The following DHX35 variants were observed in gnomAD, a reference collection of about 807,000 sequenced individuals.
DHX35 encodes the protein probable ATP-dependent RNA helicase DHX35.
Under a neutral mutation model 99.6 loss-of-function variants are expected in DHX35, and 84 were observed. The ratio of observed to expected loss-of-function variants is 0.84; its 90% CI spans 0.71 to 1.01. The LOEUF (loss-of-function observed/expected upper bound fraction) is 1.01, where lower values mean the gene tolerates loss of function less well. Ranked by LOEUF, DHX35 falls within the 50% of genes least tolerant of loss-of-function variation. DHX35 has a pLI of 0.00. For missense variants in DHX35, 852 were observed against 888.5 expected, an observed-to-expected ratio of 0.96 and a Z score of 0.52; for synonymous variants, 331 against 316.2, an observed-to-expected ratio of 1.05 and a Z score of -0.50.
At position 39,038,485 on chromosome 20, in the gene DHX35, C is replaced by G; in HGVS notation, c.2068-14C>G. On this transcript the variant is annotated splice_polypyrimidine_tract_variant and intron_variant, in intron 21 of 21. Coordinates refer to ENST00000252011, the MANE Select transcript of DHX35 (RefSeq NM_021931.4). ...TAATCAACCCCAACTGTAGTGTCTT[C>G]TCTTCTGTTGCAGCACCTGTCTCTG... The G allele has an allele frequency of 1.9e-6, 3 of 1,613,676 alleles. No individual in the cohort carries two copies. Among genetic ancestry groups the G allele is most frequent in the Non-Finnish European group, 2.5e-6 (3 of 1,180,008 alleles).
At position 38,971,011 on chromosome 20, in the gene DHX35, C is replaced by T. The variant is rs535868466; in HGVS notation, c.175-1548C>T. 1.6e-3 allele frequency among the ~76,000 whole-genome samples: 239 copies of T among 152,266 alleles called. 1 individual carries two copies. Among genetic ancestry groups the T allele is most frequent in the African/African-American group, 5.5e-3 (228 of 41,550 alleles). ...CAAAAAGGAAAACAAGTTACCTCTA[C>T]GCCATCCTTTTTCCCTTTCAAACAA... On this transcript the variant is annotated intron_variant, in intron 2 of 21. Transcript: ENST00000252011.
chr20:39,021,035 C>T (rs950686077), intron 15 of DHX35, among the ~76,000 whole-genome samples: 2 of 152,088 alleles, frequency 1.3e-5, no homozygotes, highest in Non-Finnish European at 1.5e-5. Context: ...GGAGATGGGA[C>T]GAGCAGTGTA....
At chr20:39,015,395 T>C (rs2086769252) in intron 14 of DHX35, among the ~76,000 whole-genome samples, 1 of 152,216 alleles carries the variant, frequency 6.6e-6, no homozygotes, top group African/African-American at 2.4e-5. Flanking sequence ...ACGGGGGAAC[T>C]TCTATTCAGT....
At chr20:38,996,997 G>A (rs916297812) in intron 8 of DHX35, among the ~76,000 whole-genome samples, 1 of 151,774 alleles carries the variant, frequency 6.6e-6, no homozygotes, top group African/African-American at 2.4e-5. Context: ...AATTATTCCA[G>A]TTTTTATTAT....
At chr20:39,037,497 C>G (rs918246983) in intron 21 of DHX35, among the ~76,000 whole-genome samples, 1 of 152,124 alleles carries the variant, frequency 6.6e-6, no homozygotes, top group African/African-American at 2.4e-5. Flanking sequence ...TGGTGGTGCG[C>G]TGTGTCTTCG....
intron 3 of DHX35, among the ~76,000 whole-genome samples, chr20:38,975,524 G>A (rs573723224): frequency 1.3e-5 from 2 of 152,314 alleles, no homozygotes; most frequent in South Asian, 4.1e-4. Context: ...TGAGGACACT[G>A]TAGAGAGTAA....
Position 38,962,345 on chromosome 20 carries a change from G to C in DHX35, c.-23G>C. ...AGCGCGCGACGGTGGGGTGGAGCTA[G>C]CCTCGTGACCTTTTACCCCAACATG... On this transcript the variant is annotated 5_prime_UTR_variant, in exon 1 of 22. Transcript: ENST00000252011. The C allele has an allele frequency of 6.2e-7, 1 of 1,609,984 alleles. No homozygotes were observed. Among genetic ancestry groups the C allele is most frequent in the Non-Finnish European group, 8.5e-7 (1 of 1,178,238 alleles).
chr20:38,964,723 C>T (rs923215910), intron 1 of DHX35, among the ~76,000 whole-genome samples: 1 of 152,190 alleles, frequency 6.6e-6, no homozygotes, highest in East Asian at 1.9e-4. Context: ...GCCACTGGGC[C>T]TGGCCTGACT....
At chr20:39,028,336 G>C in intron 18 of DHX35, 82 bp from the exon 19 acceptor site, 1 of 1,378,844 alleles carries the variant, frequency 7.3e-7, no homozygotes, top group Non-Finnish European at 1.0e-6. Context: ...GGTGGTGCTG[G>C]GAGTGGATCC....
At chr20:38,977,948 C>G in intron 3 of DHX35, 2 of 621,284 alleles carry the variant, frequency 3.2e-6, no homozygotes, top group South Asian at 2.9e-5. Context: ...GCAGCAGCAG[C>G]AAGTTTTACT....
chr20:38,983,734 A>C lies in DHX35; in HGVS notation c.303A>C (p.Arg101Ser), dbSNP rs1456231774. 3.7e-6 allele frequency: 6 copies of C among 1,614,080 alleles called. No individual in the cohort carries two copies. The highest frequency in any genetic ancestry group is 3.3e-4 in the Middle Eastern group (2 of 6,062). ...LAEAGWTAEG[R>S]VVGVTQPRRV... The stretch of plus-strand genomic sequence containing the variant: ...AAGCCGGCTGGACAGCTGAAGGAAG[A>C]GTGGTAGGAGTGACCCAGCCTCGAA... Residue 101 changes from arginine to serine, a missense_variant, in exon 4 of 22, where the codon AGA becomes AGC. Arg to Ser is a moderately radical substitution (Grantham distance 110). Coordinates refer to ENST00000252011, the MANE Select transcript of DHX35 (RefSeq NM_021931.4).
At position 39,039,187 on chromosome 20, in the gene DHX35, T is replaced by G. The variant is rs531730643; in HGVS notation, c.*644T>G. 6.5e-6 allele frequency: 1 copy of G among 153,098 alleles called. No individual in the cohort carries two copies. Among genetic ancestry groups the G allele is most frequent in the East Asian group, 1.9e-4 (1 of 5,192 alleles). 9.5% of individuals were successfully genotyped at this position (153,098 alleles called of 1,614,324 possible). On this transcript the variant is annotated 3_prime_UTR_variant, in exon 22 of 22. Coordinates refer to ENST00000252011, the MANE Select transcript of DHX35 (RefSeq NM_021931.4). ...CAGAGAGGACTCGTGCGCTGTTTTG[T>G]GTTAGCAGAGGATTTGTGTTTCACA...
intron 11 of DHX35, among the ~76,000 whole-genome samples, chr20:39,005,128 A>C (rs1213047971): frequency 6.6e-6 from 1 of 152,246 alleles, no homozygotes; most frequent in Non-Finnish European, 1.5e-5. Context: ...TTATTTTATA[A>C]AATGATCATT....
At position 39,003,791 on chromosome 20, in the gene DHX35, C is replaced by T. The variant is rs758737112; in HGVS notation, c.895C>T (p.Arg299Ter). The change falls in exon 11 of 22, where the codon CGA becomes TGA. Residue 299 changes from arginine (R) to a stop codon, truncating the protein, a stop_gained. Transcript: ENST00000252011. LOFTEE classifies it high-confidence loss of function. ...TGTGTCGATGCTCATCGAGCAGGCT[C>T]GAGCACTAGCTCGCACTGGGATGAA... ...TVVSMLIEQA[R>*]ALARTGMKRH... is the part of the protein sequence containing the mutation. The T allele has an allele frequency of 7.4e-6, 12 of 1,614,066 alleles. No homozygotes were observed. In the African/African-American group the frequency reaches 8.0e-5, roughly 11 times the overall value.
intron 14 of DHX35, among the ~76,000 whole-genome samples, chr20:39,017,284 T>C (rs1008290097): frequency 6.6e-6 from 1 of 152,212 alleles, no homozygotes; most frequent in Non-Finnish European, 1.5e-5. Flanking sequence ...TTAAAAGATC[T>C]CCAGTGATTT....
At chr20:39,013,466 T>C (rs2086735571) in intron 13 of DHX35, among the ~76,000 whole-genome samples, 1 of 152,210 alleles carries the variant, frequency 6.6e-6, no homozygotes, top group Non-Finnish European at 1.5e-5. Context: ...TAAAACAGTG[T>C]TTCTGTATTA....
intron 20 of DHX35, among the ~76,000 whole-genome samples, chr20:39,033,963 C>T (rs1052022488): frequency 8.5e-5 from 13 of 152,118 alleles, no homozygotes; most frequent in African/African-American, 9.7e-5. Flanking sequence ...AGGTCCTTCG[C>T]GGATAACTGA....
intron 18 of DHX35, 73 bp from the exon 19 acceptor site, chr20:39,028,344 TC>T: frequency 7.0e-7 from 1 of 1,433,160 alleles, no homozygotes; most frequent in Non-Finnish European, 9.8e-7. Context: ...TGGGAGTGGA[TC>T]CTGTGCATTA....
At chr20:38,984,118 G>T (rs2145860571) in intron 4 of DHX35, among the ~76,000 whole-genome samples, 1 of 151,860 alleles carries the variant, frequency 6.6e-6, no homozygotes, top group Non-Finnish European at 1.5e-5. Flanking sequence ...CACCATGTTG[G>T]CCAGGCTGTT....
Sources: gnomAD v4.1 joint callset for allele counts (sites outside exome capture counted in the v4.1 genomes callset) on GRCh38, gnomAD v4.1.1 for gene constraint, MANE v1.5 for transcripts, NCBI Gene and HGNC (gene_info 2026-07-23, HGNC 2026-07-21) for gene names.